The following SGCZ variants were observed in gnomAD, a reference collection of about 807,000 sequenced individuals.
The protein encoded by SGCZ is zeta-sarcoglycan.
In SGCZ, 40 loss-of-function variants were observed where a neutral mutation model predicts 41.3. The ratio of observed to expected loss-of-function variants is 0.97; its 90% CI spans 0.75 to 1.26. The LOEUF (loss-of-function observed/expected upper bound fraction) is 1.26. SGCZ is among the 50% of genes most tolerant of loss of function. The pLI is 0.00. For synonymous variants in SGCZ, 206 were observed against 137.5 expected, an observed-to-expected ratio of 1.50 and a Z score of -3.49; for missense variants, 552 against 369.8, an observed-to-expected ratio of 1.49 and a Z score of -4.04.
intron 1 of SGCZ, among the ~76,000 whole-genome samples, chr8:14,628,115 C>G (rs899309368): frequency 2.6e-5 from 4 of 151,976 alleles, no homozygotes; most frequent in African/African-American, 9.7e-5. Flanking sequence ...ATTAAGATTG[C>G]AGGTTTAATG....
chr8:14,177,489 T>C (rs955788003), intron 4 of SGCZ, among the ~76,000 whole-genome samples: 4 of 139,462 alleles, frequency 2.9e-5, no homozygotes, highest in Non-Finnish European at 6.7e-5. Flanking sequence ...TAAAGCTATC[T>C]GTTTCCTTTT....
At chr8:15,074,710 A>T (rs561659578) in intron 1 of SGCZ, among the ~76,000 whole-genome samples, 3 of 152,172 alleles carry the variant, frequency 2.0e-5, no homozygotes, top group South Asian at 4.2e-4. Flanking sequence ...CCATTTCCAC[A>T]TCCGGCCTTT....
intron 1 of SGCZ, among the ~76,000 whole-genome samples, chr8:14,971,010 G>A (rs186868617): frequency 6.6e-6 from 1 of 152,186 alleles, no homozygotes; most frequent in African/African-American, 2.4e-5. Flanking sequence ...TCTTCTGTAA[G>A]TTTTGTCTCT....
At chr8:14,678,395 C>A (rs184836163) in intron 1 of SGCZ, among the ~76,000 whole-genome samples, 1 of 152,124 alleles carries the variant, frequency 6.6e-6, no homozygotes, top group Non-Finnish European at 1.5e-5. Context: ...AGACACTTCA[C>A]CAAAGAAGAT....
intron 1 of SGCZ, among the ~76,000 whole-genome samples, chr8:14,598,890 A>C (rs1262097059): frequency 2.6e-5 from 4 of 152,136 alleles, no homozygotes; most frequent in Non-Finnish European, 5.9e-5. Context: ...AGGGAACTCC[A>C]GGCAATACTC....
rs142499246 is a variant in SGCZ, at chr8:14,621,860, G to T, written c.40-66934C>A. Among the ~76,000 whole-genome samples the T allele has an allele frequency of 4.1e-3, 624 of 152,100 alleles. 4 individuals carry two copies. The highest frequency in any genetic ancestry group is 0.012 in the African/African-American group (515 of 41,484). On this transcript the variant is annotated intron_variant, in intron 1 of 7. Transcript: ENST00000382080. ...GCAGAGCCAAATCATATAGACTTCT[G>T]TCTATAGACTAAGTGGAGTCTCTCC...
chr8:15,226,947 G>A lies in SGCZ; in HGVS notation c.39+10638C>T, dbSNP rs182361340. Among the ~76,000 whole-genome samples the A allele has an allele frequency of 2.0e-5, 3 of 152,262 alleles. No individual in the cohort carries two copies. The East Asian group carries it at 5.8e-4, about 29-fold the overall frequency. Reference sequence around the variant, plus strand: ...TCCAGCTTGGATGACAAAATGAATGGTGAAATACTAAACAAGACGAAGAAC... The same window carrying A: ...TCCAGCTTGGATGACAAAATGAATGATGAAATACTAAACAAGACGAAGAAC... On this transcript the variant is annotated intron_variant, in intron 1 of 7. Coordinates refer to ENST00000382080, the MANE Select transcript of SGCZ (RefSeq NM_139167.4).
chr8:14,779,571 T>C (rs1268980988), intron 1 of SGCZ, among the ~76,000 whole-genome samples: 1 of 152,216 alleles, frequency 6.6e-6, no homozygotes, highest in African/African-American at 2.4e-5. Context: ...ACGTTTTTAT[T>C]TGTTAAGCAG....
intron 2 of SGCZ, among the ~76,000 whole-genome samples, chr8:14,374,858 G>A (rs1183129964): frequency 6.6e-6 from 1 of 152,148 alleles, no homozygotes; most frequent in Non-Finnish European, 1.5e-5. Context: ...TATAACTAAA[G>A]GGTACATCCT....
At chr8:14,096,826 G>C (rs1461443772) in intron 7 of SGCZ, among the ~76,000 whole-genome samples, 2 of 152,076 alleles carry the variant, frequency 1.3e-5, no homozygotes, top group African/African-American at 4.8e-5. Flanking sequence ...TCCTGGTTTA[G>C]TCTTGGGAAG....
intron 1 of SGCZ, among the ~76,000 whole-genome samples, chr8:14,916,460 T>G (rs1240632275): frequency 2.0e-5 from 3 of 152,204 alleles, no homozygotes; most frequent in Non-Finnish European, 2.9e-5. Flanking sequence ...AATGTAGATA[T>G]GATAATGTGG....
chr8:14,489,837 T>A (rs1801789868), intron 2 of SGCZ, among the ~76,000 whole-genome samples: 1 of 148,854 alleles, frequency 6.7e-6, no homozygotes, highest in Admixed American at 6.7e-5. Flanking sequence ...ATGCAGCAGA[T>A]TTCACTGGCT....
intron 1 of SGCZ, among the ~76,000 whole-genome samples, chr8:14,992,376 C>A: frequency 6.7e-6 from 1 of 149,450 alleles, no homozygotes; most frequent in Non-Finnish European, 1.5e-5. Context: ...CCAATGTTAC[C>A]CTTGCTATTT....
intron 1 of SGCZ, among the ~76,000 whole-genome samples, chr8:14,910,320 T>C (rs1314032960): frequency 6.6e-6 from 1 of 152,042 alleles, no homozygotes. Flanking sequence ...TTAATTAAAA[T>C]TTATTAAACA....
chr8:14,769,849 T>A (rs1800177707), intron 1 of SGCZ, among the ~76,000 whole-genome samples: 1 of 118,194 alleles, frequency 8.5e-6, no homozygotes. Context: ...GCTCCACTTC[T>A]TGCTGGAAAA....
At chr8:14,572,980 G>A (rs1248836752) in intron 1 of SGCZ, among the ~76,000 whole-genome samples, 1 of 152,028 alleles carries the variant, frequency 6.6e-6, no homozygotes, top group African/African-American at 2.4e-5. Flanking sequence ...ATAATACACT[G>A]TCTCTAATGT....
intron 2 of SGCZ, among the ~76,000 whole-genome samples, chr8:14,496,681 T>C (rs377261529): frequency 1.3e-5 from 2 of 152,290 alleles, no homozygotes; most frequent in African/African-American, 2.4e-5. Context: ...TTCCTAGAAG[T>C]TTCTCTCTGG....
rs143405306 is a variant in SGCZ, at chr8:14,702,551, A to G, written c.40-147625T>C. Among the ~76,000 whole-genome samples the G allele has an allele frequency of 2.5e-3, 384 of 152,006 alleles. 1 individual carries two copies. Among genetic ancestry groups the G allele is most frequent in the African/African-American group, 8.7e-3 (363 of 41,490 alleles). ...CATGAATAACTAAAAGGCAAGTCAA[A>G]TTTATGTCTGGAAACAAAATTATTG... On this transcript the variant is annotated intron_variant, in intron 1 of 7. Coordinates refer to ENST00000382080, the MANE Select transcript of SGCZ (RefSeq NM_139167.4).
intron 1 of SGCZ, among the ~76,000 whole-genome samples, chr8:14,610,551 A>G (rs991561072): frequency 6.6e-6 from 1 of 152,136 alleles, no homozygotes; most frequent in Non-Finnish European, 1.5e-5. Flanking sequence ...CTCATCTTAA[A>G]TGTATGTGCT....
Sources: allele counts gnomAD v4.1 joint callset (sites outside exome capture counted in the v4.1 genomes callset), GRCh38; gene constraint gnomAD v4.1.1; transcripts MANE v1.5; gene names NCBI Gene and HGNC (gene_info 2026-07-23, HGNC 2026-07-21).